The following MSI1 variants were observed in gnomAD, a reference collection of about 807,000 sequenced individuals.
MSI1 encodes the protein RNA-binding protein Musashi homolog 1.
Under a neutral mutation model 54.4 loss-of-function variants are expected in MSI1, and 15 were observed. The observed-to-expected ratio is 0.28, with a 90% CI of 0.18 to 0.42. The LOEUF is 0.42. MSI1 is among the 20% of genes least tolerant of loss of function. The pLI, the probability that MSI1 is intolerant of heterozygous loss-of-function variation, is 1.00. For synonymous variants in MSI1, 200 were observed against 196.5 expected (o/e 1.02, Z -0.15); for missense variants, 304 against 506.0 (o/e 0.60, Z 3.83).
intron 9 of MSI1, among the ~76,000 whole-genome samples, chr12:120,355,837 G>A (rs1875065378): frequency 6.6e-6 from 1 of 152,050 alleles, no homozygotes; most frequent in Admixed American, 6.6e-5. Context: ...TCGCCTCCCC[G>A]ACTTCTGACC....
intron 4 of MSI1, among the ~76,000 whole-genome samples, chr12:120,366,076 CAG>C (rs1477649583): frequency 6.6e-6 from 1 of 152,198 alleles, no homozygotes; most frequent in East Asian, 1.9e-4. Flanking sequence ...CAGCAAAAGA[CAG>C]GGCATGAGAC....
chr12:120,368,914 C>CGGGCGCCA lies in MSI1; in HGVS notation c.60-49_60-42dup. 2 of 1,352,026 alleles carry CGGGCGCCA rather than the reference C, an allele frequency of 1.5e-6. No individual in the cohort carries two copies. Among genetic ancestry groups the CGGGCGCCA allele is most frequent in the South Asian group, 3.2e-5 (2 of 62,364 alleles). 83.8% of individuals were successfully genotyped at this position (1,352,026 alleles called of 1,614,324 possible). On this transcript the variant is annotated intron_variant, in intron 1 of 14. Coordinates refer to ENST00000257552, the MANE Select transcript of MSI1 (RefSeq NM_002442.4). The surrounding 1 kb of genome is among the most constrained non-coding windows in gnomAD (Gnocchi z 6.6). ...AGACACAAAGGGCCCGCGTGAGCGC[C>CGGGCGCCA]GGGCGCCAGGGCGCAGGGGGCGCGG...
chr12:120,357,970 A>G, intron 7 of MSI1, 72 bp from the exon 8 acceptor site: 4 of 1,282,484 alleles, frequency 3.1e-6, no homozygotes, highest in Non-Finnish European at 4.5e-6. Context: ...CCCAGGTCGT[A>G]CCAATATCCC....
chr12:120,350,110 C>T (rs1874468361), intron 11 of MSI1, among the ~76,000 whole-genome samples: 1 of 152,140 alleles, frequency 6.6e-6, no homozygotes, highest in East Asian at 1.9e-4. Context: ...CAGCCTTCAC[C>T]TCTTGGGCTC....
intron 12 of MSI1, among the ~76,000 whole-genome samples, chr12:120,346,964 G>C (rs1451267534): frequency 6.7e-6 from 1 of 148,760 alleles, no homozygotes; most frequent in South Asian, 2.1e-4. Context: ...TTTTTCTTTT[G>C]AGACAGACGG....
chr12:120,351,380 G>C lies in MSI1; in HGVS notation c.754C>G (p.Pro252Ala). 6.2e-7 allele frequency: 1 copy of C among 1,611,242 alleles called. No individual in the cohort carries two copies. Among genetic ancestry groups the C allele is most frequent in the Non-Finnish European group, 8.5e-7 (1 of 1,179,112 alleles). ...GGGAGGACTGGGGCGCTCGGGAGAGGGGTCCGCTCTACACGGAATTCTAAA... is the reference window on the plus strand; with the variant it reads ...GGGAGGACTGGGGCGCTCGGGAGAGCGGTCCGCTCTACACGGAATTCTAAA... ...QFPEFRVERTPLPSAPVLPEL... is the reference protein window; with the variant it reads ...QFPEFRVERTALPSAPVLPEL... The change falls in exon 11 of 15, where the codon CCT (proline) becomes GCT (alanine). Residue 252 changes from proline (P) to alanine (A), a missense_variant. Physicochemically the swap from Pro to Ala is conservative, Grantham distance 27. Transcript: ENST00000257552.
Position 120,350,651 on chromosome 12 carries a change from C to T in MSI1, c.790+693G>A, listed in dbSNP as rs559872083. Among the ~76,000 whole-genome samples, 248 of 152,332 alleles carry T rather than the reference C, an allele frequency of 1.6e-3. 2 individuals carry two copies. Among genetic ancestry groups the T allele is most frequent in the Non-Finnish European group, 2.7e-3 (187 of 68,026 alleles). On this transcript the variant is annotated intron_variant, in intron 11 of 14. Transcript: ENST00000257552. The stretch of plus-strand genomic sequence containing the variant: ...AACCCCCTGCAGCCCACCCCACGTG[C>T]TTGCAGTCTCCTCGGCTCAAGGCTG...
chr12:120,355,188 G>A (rs982428757), intron 9 of MSI1, among the ~76,000 whole-genome samples: 4 of 151,788 alleles, frequency 2.6e-5, no homozygotes, highest in Admixed American at 6.6e-5. Flanking sequence ...GGCAGATCAC[G>A]AGGTCAGGAG....
chr12:120,353,563 C>A (rs1484531390), intron 9 of MSI1, among the ~76,000 whole-genome samples, 184 bp from the exon 10 acceptor site: 1 of 152,218 alleles, frequency 6.6e-6, no homozygotes, highest in Non-Finnish European at 1.5e-5. Context: ...TCCCGTTAAA[C>A]TCGCCTTAGA....
At chr12:120,367,255 GAC>G (rs1263663463) in intron 4 of MSI1, among the ~76,000 whole-genome samples, 1 of 152,152 alleles carries the variant, frequency 6.6e-6, no homozygotes, top group Non-Finnish European at 1.5e-5. Flanking sequence ...CCAGCAGACA[GAC>G]ACCCCCATCA....
At chr12:120,364,858 A>AAGGTGACAGAAATCACAAAAGCCTCTAGG in intron 4 of MSI1, 103 bp from the exon 5 acceptor site, 1 of 972,740 alleles carries the variant, frequency 1.0e-6, no homozygotes. Flanking sequence ...CCAGGACACA[A>AAGGTGACAGAAATCACAAAAGCCTCTAGG]AGGTGACAGA....
At chr12:120,357,999 G>A (rs906258112) in intron 7 of MSI1, 101 bp from the exon 8 acceptor site, 15 of 968,328 alleles carry the variant, frequency 1.5e-5, no homozygotes, top group Non-Finnish European at 2.5e-5. Context: ...TCTCTCTGGC[G>A]AGTGAGAGTT....
At chr12:120,349,343 C>T (rs1488706936) in intron 11 of MSI1, among the ~76,000 whole-genome samples, 1 of 152,150 alleles carries the variant, frequency 6.6e-6, no homozygotes, top group Non-Finnish European at 1.5e-5. Flanking sequence ...AGGTGATCTG[C>T]CTGCCTCAGG....
chr12:120,347,402 C>T lies in MSI1; in HGVS notation c.859+44G>A, dbSNP rs749582228. 6.8e-6 allele frequency: 11 copies of T among 1,611,748 alleles called. 1 individual carries two copies. In the South Asian group the frequency reaches 9.9e-5, roughly 14 times the overall value. Reference sequence around the variant, plus strand: ...TCCCCTCCCCTGGACTTCTCTGCTCCCTGTGCTCCCTCATCTCTCTTCCTG... The same window carrying T: ...TCCCCTCCCCTGGACTTCTCTGCTCTCTGTGCTCCCTCATCTCTCTTCCTG... On this transcript the variant is annotated intron_variant, in intron 12 of 14. Coordinates refer to ENST00000257552, the MANE Select transcript of MSI1 (RefSeq NM_002442.4).
At chr12:120,353,244 ACTGCCC>A in intron 10 of MSI1, 49 bp downstream of exon 10, 1 of 1,552,986 alleles carries the variant, frequency 6.4e-7, no homozygotes, top group Non-Finnish European at 8.9e-7. Context: ...GAGAAGTCAG[ACTGCCC>A]GGGAACCAGG....
chr12:120,357,223 A>G (rs1307390792), intron 8 of MSI1, among the ~76,000 whole-genome samples: 1 of 151,952 alleles, frequency 6.6e-6, no homozygotes, highest in African/African-American at 2.4e-5. Flanking sequence ...TGCTTACACC[A>G]ATACTACCAA....
At chr12:120,346,372 C>A in intron 12 of MSI1, 50 bp from the exon 13 acceptor site, 1 of 1,448,338 alleles carries the variant, frequency 6.9e-7, no homozygotes, top group Non-Finnish European at 9.2e-7. Context: ...CTCTGCCACC[C>A]CACGGCACCC....
At chr12:120,355,836 C>T (rs557628585) in intron 9 of MSI1, among the ~76,000 whole-genome samples, 150 of 152,236 alleles carry the variant, frequency 9.9e-4, no homozygotes, top group East Asian at 9.7e-4. Context: ...CTCGCCTCCC[C>T]GACTTCTGAC....
chr12:120,346,258 C>T lies in MSI1; in HGVS notation c.924G>A (p.Leu308=). The T allele has an allele frequency of 1.3e-6, 2 of 1,593,260 alleles. No homozygotes were observed. Among genetic ancestry groups the T allele is most frequent in the Non-Finnish European group, 1.7e-6 (2 of 1,170,518 alleles). The change falls in exon 13 of 15, where the codon CTG becomes CTA. Residue 308 remains leucine, a synonymous_variant. Coordinates refer to ENST00000257552, the MANE Select transcript of MSI1 (RefSeq NM_002442.4). ...GSTPSRTGGF[L]GTTSPGPMAE... ...CCATGGGGCCGGGGCTGGTGGTCCCCAGGAAGCCCCCTGTGCGGCTGGGAG... is the reference window on the plus strand; with the variant it reads ...CCATGGGGCCGGGGCTGGTGGTCCCTAGGAAGCCCCCTGTGCGGCTGGGAG...
Sources: gnomAD v4.1 joint callset for allele counts (sites outside exome capture counted in the v4.1 genomes callset) on GRCh38, gnomAD v4.1.1 for gene constraint, Gnocchi (gnomAD v3.1) non-coding constraint, MANE v1.5 for transcripts, NCBI Gene and HGNC (gene_info 2026-07-23, HGNC 2026-07-21) for gene names.